The following RRAS2 variants were observed in gnomAD, a reference collection of about 807,000 sequenced individuals.
The protein encoded by RRAS2 is ras-related protein R-Ras2.
Under a neutral mutation model 27.6 loss-of-function variants are expected in RRAS2, and 7 were observed. The observed-to-expected ratio is 0.25, with a 90% CI of 0.14 to 0.48. The LOEUF is 0.48. Ranked by LOEUF, RRAS2 falls within the 20% of genes least tolerant of loss-of-function variation. The pLI, the probability that RRAS2 is intolerant of heterozygous loss-of-function variation, is 0.99. For synonymous variants in RRAS2, 86 were observed against 90.9 expected (o/e 0.95, Z 0.31); for missense variants, 178 against 256.2 (o/e 0.69, Z 2.08).
chr11:14,314,133 G>A (rs1591465032), intron 1 of RRAS2, among the ~76,000 whole-genome samples: 1 of 152,266 alleles, frequency 6.6e-6, no homozygotes, highest in African/African-American at 2.4e-5. Context: ...TCTAGCCTGT[G>A]AGCTAAATAA....
At chr11:14,363,535 G>A (rs1554956379), upstream of RRAS2, among the ~76,000 whole-genome samples, 1 of 152,154 alleles carries the variant, frequency 6.6e-6, no homozygotes, top group Non-Finnish European at 1.5e-5. Flanking sequence ...TTGGGAGGCC[G>A]AGGCAGGTGG....
At chr11:14,338,390 C>T (rs1340794364) in intron 1 of RRAS2, among the ~76,000 whole-genome samples, 7 of 152,184 alleles carry the variant, frequency 4.6e-5, no homozygotes, top group African/African-American at 1.7e-4. Context: ...GGAATATCTG[C>T]ATATACATGA....
intron 4 of RRAS2, among the ~76,000 whole-genome samples, chr11:14,290,447 CA>C (rs782644711): frequency 5.9e-5 from 9 of 151,962 alleles, no homozygotes; most frequent in Non-Finnish European, 1.2e-4. Context: ...AGACCCGTTT[CA>C]GGGGGGAAAA....
At chr11:14,287,729 G>A (rs1453722721) in intron 4 of RRAS2, among the ~76,000 whole-genome samples, 6 of 151,902 alleles carry the variant, frequency 3.9e-5, no homozygotes, top group East Asian at 1.9e-4. Flanking sequence ...AAAAGTAGCC[G>A]GGTGTGATGG....
Position 14,293,130 on chromosome 11 carries a change from T to C in RRAS2, c.408+1341A>G, listed in dbSNP as rs1384308434. Among the ~76,000 whole-genome samples, 5 of 60,260 alleles carry C rather than the reference T, an allele frequency of 8.3e-5. No homozygotes were observed. In the South Asian group the frequency reaches 3.1e-3, roughly 38 times the overall value. 39.5% of individuals were successfully genotyped at this position (60,260 alleles called of 152,430 possible). A position where few individuals can be genotyped will look rare whatever the true frequency, so the allele number is the denominator to read the frequency against. On this transcript the variant is annotated intron_variant, in intron 4 of 5. Transcript: ENST00000256196. ...CTCAAAACAAAACAAAACAAATATA[T>C]ATATATATATATATATATATATATA...
chr11:14,297,992 T>TAAAA (rs141304907), intron 1 of RRAS2, among the ~76,000 whole-genome samples: 3 of 143,412 alleles, frequency 2.1e-5, no homozygotes, highest in Admixed American at 6.9e-5. Flanking sequence ...TAACTAGCCT[T>TAAAA]AAAAAAAAAA....
rs61883962 is a variant in RRAS2, at chr11:14,316,849, G to A, written c.109-20994C>T. On this transcript the variant is annotated intron_variant, in intron 1 of 5. Transcript: ENST00000256196. ...AATTCACCAAACTTTGGGTTCTACT[G>A]CAAATGAGACATTGGAAATAACAAA... Among the ~76,000 whole-genome samples the A allele has an allele frequency of 4.6e-3, 705 of 152,272 alleles. 6 individuals carry two copies. The highest frequency in any genetic ancestry group is 6.9e-3 in the Non-Finnish European group (472 of 67,996).
rs562115712 is a variant in RRAS2 at position 14,319,853 on chromosome 11, T to G, written c.109-23998A>C. ...TATTTTTCAGAGCGCAGAAAAGTTG[T>G]GTGATCAAAACAACAAAAATAAGAT... On this transcript the variant is annotated intron_variant, in intron 1 of 5. Coordinates refer to ENST00000256196, the MANE Select transcript of RRAS2 (RefSeq NM_012250.6). 4.6e-5 allele frequency among the ~76,000 whole-genome samples: 7 copies of G among 152,330 alleles called. No individual in the cohort carries two copies. In the South Asian group the frequency reaches 1.5e-3, roughly 32 times the overall value.
intron 1 of RRAS2, among the ~76,000 whole-genome samples, chr11:14,302,286 T>G (rs1162172936): frequency 6.6e-6 from 1 of 152,172 alleles, no homozygotes; most frequent in African/African-American, 2.4e-5. Flanking sequence ...TATTATTACT[T>G]CTATCCATAA....
chr11:14,353,096 G>A (rs1554955004), intron 1 of RRAS2, among the ~76,000 whole-genome samples: 1 of 152,110 alleles, frequency 6.6e-6, no homozygotes, highest in Admixed American at 6.5e-5. Flanking sequence ...ACCGTGCCCA[G>A]CTAAAATTTT....
intron 1 of RRAS2, among the ~76,000 whole-genome samples, chr11:14,339,686 TA>T (rs1219371894): frequency 6.6e-6 from 1 of 152,146 alleles, no homozygotes; most frequent in Non-Finnish European, 1.5e-5. Context: ...AAGTTAAAGT[TA>T]AAAAAGAAAG....
At chr11:14,293,582 C>G (rs1366468895) in intron 4 of RRAS2, among the ~76,000 whole-genome samples, 1 of 152,036 alleles carries the variant, frequency 6.6e-6, no homozygotes, top group African/African-American at 2.4e-5. Context: ...TCTCGGAGAT[C>G]TGATGGTTTT....
chr11:14,293,124 A>AATACAT (rs1554946031), intron 4 of RRAS2, among the ~76,000 whole-genome samples: 75 of 76,796 alleles, frequency 9.8e-4, no homozygotes, highest in African/African-American at 4.3e-3. Flanking sequence ...AAACAAAACA[A>AATACAT]ATATATATAT....
chr11:14,303,271 T>C (rs996849159), intron 1 of RRAS2, among the ~76,000 whole-genome samples: 3 of 152,238 alleles, frequency 2.0e-5, no homozygotes. Flanking sequence ...CAATTGCTTA[T>C]CCTTTCATGT....
At chr11:14,315,568 G>A (rs1167445595) in intron 1 of RRAS2, among the ~76,000 whole-genome samples, 1 of 152,180 alleles carries the variant, frequency 6.6e-6, no homozygotes, top group Non-Finnish European at 1.5e-5. Context: ...ATGGAAACCT[G>A]AATAAAGTAT....
At chr11:14,328,142 C>T (rs567719426) in intron 1 of RRAS2, among the ~76,000 whole-genome samples, 11 of 152,000 alleles carry the variant, frequency 7.2e-5, no homozygotes, top group South Asian at 2.1e-4. Flanking sequence ...CCGAGGCAGG[C>T]GGATCACCTG....
intron 1 of RRAS2, among the ~76,000 whole-genome samples, chr11:14,328,173 G>GC (rs1463792581): frequency 6.6e-6 from 1 of 152,030 alleles, no homozygotes; most frequent in Non-Finnish European, 1.5e-5. Flanking sequence ...TTCGAGACCA[G>GC]CCTGACCAAC....
chr11:14,302,232 T>C (rs1327008302), intron 1 of RRAS2, among the ~76,000 whole-genome samples: 4 of 152,088 alleles, frequency 2.6e-5, no homozygotes, highest in Non-Finnish European at 5.9e-5. Flanking sequence ...AGAAGCAAAA[T>C]TCTGTGATTC....
chr11:14,296,495 A>G (rs1847554560), intron 1 of RRAS2, among the ~76,000 whole-genome samples: 1 of 152,238 alleles, frequency 6.6e-6, no homozygotes, highest in Non-Finnish European at 1.5e-5. Context: ...TAGAAAAATT[A>G]GAAAACACAG....
Sources: gnomAD v4.1 joint callset for allele counts (sites outside exome capture counted in the v4.1 genomes callset) on GRCh38, gnomAD v4.1.1 for gene constraint, MANE v1.5 for transcripts, NCBI Gene and HGNC (gene_info 2026-07-23, HGNC 2026-07-21) for gene names.